Variants in INPP5E observed in about 807,000 individuals in gnomAD.
INPP5E encodes the protein inositol polyphosphate-5-phosphatase E.
A neutral mutation model predicts 50.5 loss-of-function variants in INPP5E; 34 were observed. The ratio of observed to expected loss-of-function variants is 0.67; its 90% CI spans 0.51 to 0.90. The LOEUF (loss-of-function observed/expected upper bound fraction) is 0.90, where lower values mean the gene tolerates loss of function less well. INPP5E is among the 40% of genes least tolerant of loss of function. The pLI, the probability that INPP5E is intolerant of heterozygous loss-of-function variation, is 0.00. For missense variants in INPP5E, 942 were observed against 905.5 expected, an observed-to-expected ratio of 1.04 and a Z score of -0.52; for synonymous variants, 447 against 406.0, an observed-to-expected ratio of 1.10 and a Z score of -1.21.
rs538538113 is a variant in INPP5E, at chr9:136,432,769, G to A, written c.1280-183C>T. On this transcript the variant is annotated intron_variant, in intron 5 of 9. Transcript: ENST00000371712. ...GGAGGACAGAGCACGGGCCCAGCACGGCACGCCCTCGGTGCCGGGGTCTGC... is the reference window on the plus strand; with the variant it reads ...GGAGGACAGAGCACGGGCCCAGCACAGCACGCCCTCGGTGCCGGGGTCTGC... 1.8e-4 allele frequency among the ~76,000 whole-genome samples: 28 copies of A among 152,288 alleles called. No individual in the cohort carries two copies. The South Asian group carries it at 3.3e-3, about 18-fold the overall frequency.
intron 9 of INPP5E, among the ~76,000 whole-genome samples, 189 bp downstream of exon 9, chr9:136,430,088 T>C (rs926363483): frequency 1.6e-4 from 24 of 152,096 alleles, no homozygotes; most frequent in African/African-American, 5.6e-4. Context: ...CTCTTCACTT[T>C]CCAGAGCCTC....
intron 1 of INPP5E, among the ~76,000 whole-genome samples, chr9:136,435,272 C>T (rs962932147): frequency 4.6e-5 from 7 of 152,104 alleles, no homozygotes; most frequent in Non-Finnish European, 8.8e-5. Context: ...GTCTAAGATA[C>T]AGAGACCACA....
Position 136,434,861 on chromosome 9 carries a change from C to A in INPP5E, c.815G>T (p.Ser272Ile), listed in dbSNP as rs1835796470. 1.2e-6 allele frequency: 2 copies of A among 1,606,214 alleles called. No homozygotes were observed. Among genetic ancestry groups the A allele is most frequent in the African/African-American group, 1.3e-5 (1 of 74,972 alleles). Residue 272 changes from serine to isoleucine, a missense_variant and splice_region_variant, in exon 2 of 10, where the codon AGT (serine) becomes ATT (isoleucine). Transcript: ENST00000371712. ...GGCCAGGAGGCTGCCCTCCAGGTAACTCCTGTGACGGGAGGACCCCAAGCT... is the reference window on the plus strand; with the variant it reads ...GGCCAGGAGGCTGCCCTCCAGGTAAATCCTGTGACGGGAGGACCCCAAGCT... ...PIRSKDVRSR[S>I]YLEGSLLASG...
At chr9:136,432,810 T>C (rs1385406933) in intron 5 of INPP5E, 146 bp downstream of exon 5, 1 of 1,138,572 alleles carries the variant, frequency 8.8e-7, no homozygotes, top group South Asian at 1.3e-5. Flanking sequence ...GTCCTTGGCG[T>C]GCATCTTAGC....
chr9:136,437,769 G>A (rs907000624), intron 1 of INPP5E: 19 of 152,692 alleles, frequency 1.2e-4, no homozygotes, highest in African/African-American at 4.6e-4. Flanking sequence ...ATGGCAGTGG[G>A]GTGGGGGGAG....
At chr9:136,438,426 G>A (rs1373627234) in intron 1 of INPP5E, 182 bp downstream of exon 1, 6 of 644,362 alleles carry the variant, frequency 9.3e-6, no homozygotes, top group African/African-American at 1.8e-5. Flanking sequence ...CACAGGAAAA[G>A]TTCTGGGAAG....
At position 136,433,240 on chromosome 9, in the gene INPP5E, C is replaced by T. The variant is rs746782404; in HGVS notation, c.1074G>A (p.Pro358=). ...CCGCCGAGGACAGCAGCACATAGTG[C>T]GGGCCCAGCGTCTCCTGCAGACGAG... is the stretch of plus-strand genomic sequence containing the variant. ...WETRLQETLG[P]HYVLLSSAAH... The change falls in exon 4 of 10, where the codon CCG becomes CCA. Residue 358 remains proline, a synonymous_variant. Coordinates refer to ENST00000371712, the MANE Select transcript of INPP5E (RefSeq NM_019892.6). 1.7e-5 allele frequency: 27 copies of T among 1,594,604 alleles called. No individual in the cohort carries two copies. The highest frequency in any genetic ancestry group is 1.2e-4 in the Admixed American group (7 of 59,284).
intron 1 of INPP5E, 29 bp downstream of exon 1, chr9:136,438,579 G>A: frequency 2.0e-6 from 3 of 1,483,066 alleles, no homozygotes; most frequent in Non-Finnish European, 2.7e-6. Context: ...AAGGCGGCGC[G>A]GGCGCTGCAC....
rs759252360 is a variant in INPP5E at position 136,431,811 on chromosome 9, C to A, written c.1549+13G>T. 3.8e-6 allele frequency: 6 copies of A among 1,585,338 alleles called. No homozygotes were observed. The highest frequency in any genetic ancestry group is 1.4e-5 in the African/African-American group (1 of 68,992). On this transcript the variant is annotated intron_variant, in intron 7 of 9. Coordinates refer to ENST00000371712, the MANE Select transcript of INPP5E (RefSeq NM_019892.6). ...CCTCATCTCCCTCCATGCCCGCCCCCCCAGGCCCTCACCTTTCCGCATCTC... is the reference window on the plus strand; with the variant it reads ...CCTCATCTCCCTCCATGCCCGCCCCACCAGGCCCTCACCTTTCCGCATCTC...
At chr9:136,434,437 C>T (rs558921423) in intron 2 of INPP5E, among the ~76,000 whole-genome samples, 1 of 152,288 alleles carries the variant, frequency 6.6e-6, no homozygotes, top group East Asian at 1.9e-4. Context: ...GCCACCCCTA[C>T]GCGTGCCCCG....
At position 136,434,845 on chromosome 9, in the gene INPP5E, G is replaced by C; in HGVS notation, c.831C>G (p.Ser277Arg). 6.2e-7 allele frequency: 1 copy of C among 1,609,850 alleles called. No individual in the cohort carries two copies. Among genetic ancestry groups the C allele is most frequent in the Admixed American group, 1.7e-5 (1 of 59,690 alleles). The change falls in exon 2 of 10, where the codon AGC (serine) becomes AGG (arginine). Residue 277 changes from serine to arginine, a missense_variant. Coordinates refer to ENST00000371712, the MANE Select transcript of INPP5E (RefSeq NM_019892.6). ...DVRSRSYLEG[S>R]LLASGALLGA... is the part of the protein sequence containing the mutation. ...CCAACAGGGCCCCGCTGGCCAGGAG[G>C]CTGCCCTCCAGGTAACTCCTGTGAC...
At chr9:136,437,533 G>C (rs758869468) in intron 1 of INPP5E, 1 of 152,518 alleles carries the variant, frequency 6.6e-6, no homozygotes, top group African/African-American at 2.4e-5. Flanking sequence ...GGCAGCGGGA[G>C]GACCCTCCCC....
chr9:136,438,994 C>T lies in INPP5E; in HGVS notation c.426G>A (p.Lys142=), dbSNP rs1406204770. ...TCTCACTGCTCAGGACCCCGCGGGA[C>T]TTGGGGATTTCCTGCAAGGAGGTGC... The part of the protein sequence containing the change: ...CLSTSLQEIP[K]SRGVLSSERG... The change falls in exon 1 of 10, where the codon AAG becomes AAA. Residue 142 remains lysine, a synonymous_variant. Coordinates refer to ENST00000371712, the MANE Select transcript of INPP5E (RefSeq NM_019892.6). 6 of 1,586,666 alleles carry T rather than the reference C, an allele frequency of 3.8e-6. No individual in the cohort carries two copies. Among genetic ancestry groups the T allele is most frequent in the African/African-American group, 1.3e-5 (1 of 74,772 alleles).
chr9:136,438,382 A>G, intron 1 of INPP5E: 2 of 602,796 alleles, frequency 3.3e-6, no homozygotes, highest in Non-Finnish European at 5.9e-6. Flanking sequence ...GTCTACCTTA[A>G]CACAACGTCA....
In INPP5E at chr9:136,429,110, C is replaced by T. The variant is rs891966261; in HGVS notation, c.*565G>A. On this transcript the variant is annotated 3_prime_UTR_variant, in exon 10 of 10. Coordinates refer to ENST00000371712, the MANE Select transcript of INPP5E (RefSeq NM_019892.6). Reference sequence around the variant, plus strand: ...AGCCAAGTGGAGGGGAACCGTGCCACGTCCTGGAGGCTGTGTGGCTTCCTC... The same window carrying T: ...AGCCAAGTGGAGGGGAACCGTGCCATGTCCTGGAGGCTGTGTGGCTTCCTC... 13 of 181,230 alleles carry T rather than the reference C, an allele frequency of 7.2e-5. No homozygotes were observed. The highest frequency in any genetic ancestry group is 3.8e-4 in the Admixed American group (7 of 18,662). 11.2% of individuals were successfully genotyped at this position (181,230 alleles called of 1,614,324 possible). A position where few individuals can be genotyped will look rare whatever the true frequency, so the allele number is the denominator to read the frequency against.
chr9:136,430,912 C>T (rs1017766523), intron 8 of INPP5E, 90 bp downstream of exon 8: 2 of 943,234 alleles, frequency 2.1e-6, no homozygotes, highest in East Asian at 5.0e-5. Context: ...GCCGTCCAGG[C>T]TCAGACCCCT....
Position 136,433,093 on chromosome 9 carries a change from C to T in INPP5E, c.1160-18G>A. 1.6e-5 allele frequency: 26 copies of T among 1,607,536 alleles called. No homozygotes were observed. Among genetic ancestry groups the T allele is most frequent in the Non-Finnish European group, 2.2e-5 (26 of 1,178,972 alleles). The stretch of plus-strand genomic sequence containing the variant: ...CTCCACCTCTGTGGGAGGGGCAGCC[C>T]TCAGCTCACCTGTGGGACGCTGCCA... On this transcript the variant is annotated intron_variant, in intron 4 of 9. Coordinates refer to ENST00000371712, the MANE Select transcript of INPP5E (RefSeq NM_019892.6).
intron 4 of INPP5E, 34 bp downstream of exon 4, chr9:136,433,121 T>TTCCAGCCGCGCCTACCCC: frequency 7.4e-7 from 1 of 1,357,472 alleles, no homozygotes. Context: ...CGCTGCCACC[T>TTCCAGCCGCGCCTACCCC]TCCAGCCGCG....
intron 1 of INPP5E, among the ~76,000 whole-genome samples, chr9:136,435,232 T>C (rs1361371333): frequency 6.6e-6 from 1 of 151,996 alleles, no homozygotes; most frequent in Non-Finnish European, 1.5e-5. Context: ...CCTCCTCCTT[T>C]CTCCTTTGGC....
Sources: allele counts gnomAD v4.1 joint callset (sites outside exome capture counted in the v4.1 genomes callset), GRCh38; gene constraint gnomAD v4.1.1; transcripts MANE v1.5; gene names NCBI Gene and HGNC (gene_info 2026-07-23, HGNC 2026-07-21).